The following SMPD1 variants were observed in gnomAD, a reference collection of about 807,000 sequenced individuals.
SMPD1 encodes the protein sphingomyelin phosphodiesterase 1, also known as sphingomyelin phosphodiesterase.
SMPD1 carries 47 observed loss-of-function variants against 49.7 expected under a neutral mutation model. The observed-to-expected ratio is 0.95, with a 90% CI of 0.75 to 1.21. The LOEUF (loss-of-function observed/expected upper bound fraction) is 1.21. Among genes scored for constraint, SMPD1 ranks in the 50% most tolerant of loss-of-function variants. The pLI is 0.00. For missense variants in SMPD1, 811 were observed against 822.2 expected (o/e 0.99, Z 0.17); for synonymous variants, 336 against 339.6 (o/e 0.99, Z 0.12).
intron 2 of SMPD1, 57 bp downstream of exon 2, chr11:6,392,213 G>A (rs958651385): frequency 1.2e-6 from 2 of 1,600,138 alleles, no homozygotes; most frequent in Non-Finnish European, 1.7e-6. Context: ...GAAAGTGAAG[G>A]GAGAAGGGAA....
At chr11:6,394,125 G>A in intron 5 of SMPD1, 73 bp from the exon 6 acceptor site, 1 of 1,612,632 alleles carries the variant, frequency 6.2e-7, no homozygotes. Context: ...TGCAAAGCAT[G>A]GGCAGGATGT....
chr11:6,391,397 T>G lies in SMPD1; in HGVS notation c.332T>G (p.Val111Gly), dbSNP rs1006549503. 1 of 1,612,650 alleles carries G rather than the reference T, an allele frequency of 6.2e-7. No individual in the cohort carries two copies. The highest frequency in any genetic ancestry group is 8.5e-7 in the Non-Finnish European group (1 of 1,179,964). ...CTCCCACTGCAGAAGGAACCCAATG[T>G]GGCTCGCGTGGGCTCCGTGGCCATC... ...INLGLKKEPN[V>G]ARVGSVAIKL... Residue 111 changes from valine to glycine, a missense_variant, in exon 2 of 6, where the codon GTG becomes GGG. Coordinates refer to ENST00000342245, the MANE Select transcript of SMPD1 (RefSeq NM_000543.5).
intron 2 of SMPD1, among the ~76,000 whole-genome samples, chr11:6,392,736 G>C (rs577266956): frequency 2.0e-4 from 30 of 149,332 alleles, no homozygotes; most frequent in African/African-American, 6.6e-4. Context: ...CTCATGATCT[G>C]CCCACCTCGG....
Position 6,393,141 on chromosome 11 carries a change from C to T in SMPD1, c.1092-75C>T. 19 of 1,289,922 alleles carry T rather than the reference C, an allele frequency of 1.5e-5. No individual in the cohort carries two copies. In the South Asian group the frequency reaches 2.3e-4, roughly 16 times the overall value. The allele number at this position is 1,289,922 out of a possible 1,614,324, so 79.9% of individuals were successfully genotyped here. A position where few individuals can be genotyped will look rare whatever the true frequency, so the allele number is the denominator to read the frequency against. On this transcript the variant is annotated intron_variant, in intron 2 of 5. Coordinates refer to ENST00000342245, the MANE Select transcript of SMPD1 (RefSeq NM_000543.5). ...GGGAAGATGTCATGTATGCTTTTACCCTCCACCCAAATGCCCAGCACAGGA... is the reference window on the plus strand; with the variant it reads ...GGGAAGATGTCATGTATGCTTTTACTCTCCACCCAAATGCCCAGCACAGGA...
In SMPD1 at chr11:6,390,886, T is replaced by C. The variant is rs1339909517; in HGVS notation, c.288T>C (p.Gly96=). The C allele has an allele frequency of 5.6e-6, 9 of 1,613,210 alleles. No homozygotes were observed. The highest frequency in any genetic ancestry group is 7.6e-6 in the Non-Finnish European group (9 of 1,179,866). The change falls in exon 1 of 6, where the codon GGT becomes GGC. Residue 96 remains glycine (G), a synonymous_variant. Transcript: ENST00000342245. ...ACCTCACCTGCCCAATCTGCAAAGG[T>C]CTATTCACCGCCATCAACCTCGGGC... is the stretch of plus-strand genomic sequence containing the variant. The part of the protein sequence containing the change: ...WGNLTCPICK[G]LFTAINLGLK...
At position 6,394,308 on chromosome 11, in the gene SMPD1, C is replaced by T; in HGVS notation, c.1597C>T (p.Pro533Ser). ...CCAGGCAAACATACCGGGAGCCATA[C>T]CGCACTGGCAGCTTCTCTACAGGGC... ...LTQANIPGAI[P>S]HWQLLYRARE... The change falls in exon 6 of 6, where the codon CCG (proline) becomes TCG (serine). Residue 533 changes from proline to serine, a missense_variant. Pro to Ser is a moderately conservative substitution (Grantham distance 74, BLOSUM62 -1). Coordinates refer to ENST00000342245, the MANE Select transcript of SMPD1 (RefSeq NM_000543.5). The T allele has an allele frequency of 2.5e-6, 4 of 1,614,226 alleles. No homozygotes were observed. Among genetic ancestry groups the T allele is most frequent in the Non-Finnish European group, 3.4e-6 (4 of 1,180,018 alleles).
At position 6,391,563 on chromosome 11, in the gene SMPD1, CT is replaced by C. The variant is rs1847910379; in HGVS notation, c.499del (p.Cys167ValfsTer90). On this transcript the variant is annotated frameshift_variant, in exon 2 of 6. Transcript: ENST00000342245. LOFTEE classifies it high-confidence loss of function. ...EACGLLLGST[C>X]GHWDIFSSWN... Reference sequence around the variant, plus strand: ...CCTGTGGCCTGCTCCTGGGCTCCACCTGTGGGCACTGGGACATTTTCTCATC... The same window carrying C: ...CCTGTGGCCTGCTCCTGGGCTCCACCGTGGGCACTGGGACATTTTCTCATC... 1 of 1,613,558 alleles carries C rather than the reference CT, an allele frequency of 6.2e-7. No homozygotes were observed.
At position 6,391,725 on chromosome 11, in the gene SMPD1, C is replaced by A. The variant is rs752782100; in HGVS notation, c.660C>A (p.Asp220Glu). Residue 220 changes from aspartate to glutamate, a missense_variant, in exon 2 of 6, where the codon GAC becomes GAA. Coordinates refer to ENST00000342245, the MANE Select transcript of SMPD1 (RefSeq NM_000543.5). ...ATCATGACTACCTGGAGGGCACGGA[C>A]CCTGACTGTGCAGACCCACTGTGCT... is the stretch of plus-strand genomic sequence containing the variant. Reference protein sequence around the residue: ...HWDHDYLEGTDPDCADPLCCR... With the variant: ...HWDHDYLEGTEPDCADPLCCR... 1 of 1,611,756 alleles carries A rather than the reference C, an allele frequency of 6.2e-7. No individual in the cohort carries two copies. Among genetic ancestry groups the A allele is most frequent in the Non-Finnish European group, 8.5e-7 (1 of 1,179,934 alleles).
chr11:6,390,910 G>T lies in SMPD1; in HGVS notation c.312G>T (p.Gly104=), dbSNP rs757958025. The T allele has an allele frequency of 6.2e-7, 1 of 1,614,134 alleles. No homozygotes were observed. Among genetic ancestry groups the T allele is most frequent in the Admixed American group, 1.7e-5 (1 of 60,026 alleles). Residue 104 remains glycine, a synonymous_variant, in exon 1 of 6, where the codon GGG becomes GGT. Transcript: ENST00000342245. ...CKGLFTAINL[G]LKKEPNVARV... ...GTCTATTCACCGCCATCAACCTCGG[G>T]CTGAAGGTGAGCACTGAAGGGGCTG...
rs778484457 is a variant in SMPD1, at chr11:6,393,331, G to A, written c.1207G>A (p.Gly403Arg). The A allele has an allele frequency of 1.2e-6, 2 of 1,614,006 alleles. No individual in the cohort carries two copies. Among genetic ancestry groups the A allele is most frequent in the Non-Finnish European group, 8.5e-7 (1 of 1,179,888 alleles). ...WLLINSTDPA[G>R]QLQWLVGELQ... Reference sequence around the variant, plus strand: ...CTTGATCAACTCCACGGATCCCGCAGGACAGCTCCAGTGGCTGGTGGGGGA... The same window carrying A: ...CTTGATCAACTCCACGGATCCCGCAAGACAGCTCCAGTGGCTGGTGGGGGA... Residue 403 changes from glycine (G) to arginine (R), a missense_variant, in exon 3 of 6, where the codon GGA (glycine) becomes AGA (arginine). Physicochemically the swap from Gly to Arg is moderately radical, Grantham distance 125. Transcript: ENST00000342245.
Position 6,390,720 on chromosome 11 carries a change from TGGCGC to T in SMPD1, c.123_127del (p.Ala42GlyfsTer8). The stretch of plus-strand genomic sequence containing the variant: ...ATGGGCCTGGTGCTGGCGCTGGCGC[TGGCGC>T]TGGCGCTGGCGCTGGCTCTGTCTGA... On this transcript the variant is annotated frameshift_variant, in exon 1 of 6. Transcript: ENST00000342245. LOFTEE classifies it high-confidence loss of function. 6.4e-7 allele frequency: 1 copy of T among 1,566,230 alleles called. No homozygotes were observed. Among genetic ancestry groups the T allele is most frequent in the South Asian group, 1.2e-5 (1 of 84,344 alleles).
Position 6,391,768 on chromosome 11 carries a change from C to G in SMPD1, c.703C>G (p.Leu235Val), listed in dbSNP as rs1168183928. 3 of 1,612,072 alleles carry G rather than the reference C, an allele frequency of 1.9e-6. No individual in the cohort carries two copies. Among genetic ancestry groups the G allele is most frequent in the African/African-American group, 1.3e-5 (1 of 74,952 alleles). ...ACTGTGCTGCCGCCGGGGTTCTGGC[C>G]TGCCGCCCGCATCCCGGCCAGGTGC... is the stretch of plus-strand genomic sequence containing the variant. ...DPLCCRRGSGLPPASRPGAGY... is the reference protein window; with the variant it reads ...DPLCCRRGSGVPPASRPGAGY... The change falls in exon 2 of 6, where the codon CTG (leucine) becomes GTG (valine). Residue 235 changes from leucine (L) to valine (V), a missense_variant. Transcript: ENST00000342245.
rs1848118835 is a variant in SMPD1, at chr11:6,394,827, G to A, written c.*220G>A. 1.7e-6 allele frequency: 1 copy of A among 598,596 alleles called. No individual in the cohort carries two copies. Among genetic ancestry groups the A allele is most frequent in the African/African-American group, 1.9e-5 (1 of 53,826 alleles). The allele number at this position is 598,596 out of a possible 1,614,324, so 37.1% of individuals were successfully genotyped here. On this transcript the variant is annotated 3_prime_UTR_variant, in exon 6 of 6. Coordinates refer to ENST00000342245, the MANE Select transcript of SMPD1 (RefSeq NM_000543.5). ...TGCCCAGGAGCTAGACTGCCTTGAG[G>A]CTGCTGTCCTTTCACAGCCATGGAG... is the stretch of plus-strand genomic sequence containing the variant.
Position 6,390,819 on chromosome 11 carries a change from A to G in SMPD1, c.221A>G (p.His74Arg). 1 of 1,614,062 alleles carries G rather than the reference A, an allele frequency of 6.2e-7. No individual in the cohort carries two copies. The highest frequency in any genetic ancestry group is 1.1e-5 in the South Asian group (1 of 91,080). ...LSPQGHPARL[H>R]RIVPRLRDVF... Reference sequence around the variant, plus strand: ...CCCCAAGGCCATCCTGCCAGGTTACATCGCATAGTGCCCCGGCTCCGAGAT... The same window carrying G: ...CCCCAAGGCCATCCTGCCAGGTTACGTCGCATAGTGCCCCGGCTCCGAGAT... The change falls in exon 1 of 6, where the codon CAT becomes CGT. Residue 74 changes from histidine to arginine, a missense_variant. Coordinates refer to ENST00000342245, the MANE Select transcript of SMPD1 (RefSeq NM_000543.5).
Position 6,394,574 on chromosome 11 carries a change from C to T in SMPD1, c.1863C>T (p.Ala621=). ...HLMPDGSLPE[A]QSLWPRPLFC ...TGCCAGATGGGAGCCTCCCAGAGGCCCAGAGCCTGTGGCCAAGGCCACTGT... is the reference window on the plus strand; with the variant it reads ...TGCCAGATGGGAGCCTCCCAGAGGCTCAGAGCCTGTGGCCAAGGCCACTGT... The change falls in exon 6 of 6, where the codon GCC becomes GCT. Residue 621 remains alanine (A), a synonymous_variant. Coordinates refer to ENST00000342245, the MANE Select transcript of SMPD1 (RefSeq NM_000543.5). 1.2e-6 allele frequency: 2 copies of T among 1,605,230 alleles called. No homozygotes were observed. The highest frequency in any genetic ancestry group is 1.7e-6 in the Non-Finnish European group (2 of 1,179,968).
chr11:6,393,915 G>A lies in SMPD1; in HGVS notation c.1360G>A (p.Ala454Thr), dbSNP rs144624998. Reference protein sequence around the residue: ...IVARYENTLAAQFFGHTHVDE... With the variant: ...IVARYENTLATQFFGHTHVDE... ...GGCCAGGTATGAGAACACCCTGGCTGCTCAGTTCTTTGGCCACACTCATGT... is the reference window on the plus strand; with the variant it reads ...GGCCAGGTATGAGAACACCCTGGCTACTCAGTTCTTTGGCCACACTCATGT... Residue 454 changes from alanine (A) to threonine (T), a missense_variant, in exon 5 of 6, where the codon GCT (alanine) becomes ACT (threonine). Coordinates refer to ENST00000342245, the MANE Select transcript of SMPD1 (RefSeq NM_000543.5). 2 of 1,614,156 alleles carry A rather than the reference G, an allele frequency of 1.2e-6. No homozygotes were observed. Among genetic ancestry groups the A allele is most frequent in the Admixed American group, 1.7e-5 (1 of 60,018 alleles).
rs370369788 is a variant in SMPD1 at position 6,391,041 on chromosome 11, T to TCACTGAGTTTGCTCCCC, written c.318+126_318+142dup. Reference sequence around the variant, plus strand: ...TGGAGAGGGTGGCATCTACAATCCATCACTGAGTTTGCTCCCCTTTGGGGA... The same window carrying TCACTGAGTTTGCTCCCC: ...TGGAGAGGGTGGCATCTACAATCCATCACTGAGTTTGCTCCCCCACTGAGTTTGCTCCCCTTTGGGGA... On this transcript the variant is annotated intron_variant, in intron 1 of 5. Coordinates refer to ENST00000342245, the MANE Select transcript of SMPD1 (RefSeq NM_000543.5). 717 of 1,268,672 alleles carry TCACTGAGTTTGCTCCCC rather than the reference T, an allele frequency of 5.7e-4. 1 individual carries two copies. In the African/African-American group the frequency reaches 8.7e-3, roughly 15 times the overall value. The allele number at this position is 1,268,672 out of a possible 1,614,324, so 78.6% of individuals were successfully genotyped here.
intron 2 of SMPD1, 24 bp downstream of exon 2, chr11:6,392,180 A>G (rs1003775121): frequency 3.7e-6 from 6 of 1,614,054 alleles, no homozygotes; most frequent in Non-Finnish European, 5.1e-6. Context: ...GTGGAAACCC[A>G]GGAAGGGAAA....
rs775720719 is a variant in SMPD1 at position 6,393,897 on chromosome 11, T to A, written c.1342T>A (p.Tyr448Asn). Residue 448 changes from tyrosine to asparagine, a missense_variant and splice_region_variant, in exon 5 of 6, where the codon TAT becomes AAT. Transcript: ENST00000342245. ...CTGAATGTAGTACCTTCTGGCCAGG[T>A]ATGAGAACACCCTGGCTGCTCAGTT... ...SWNYYRIVAR[Y>N]ENTLAAQFFG... 1 of 1,614,056 alleles carries A rather than the reference T, an allele frequency of 6.2e-7. No individual in the cohort carries two copies. The highest frequency in any genetic ancestry group is 8.5e-7 in the Non-Finnish European group (1 of 1,179,962).
Sources: gnomAD v4.1 joint callset for allele counts (sites outside exome capture counted in the v4.1 genomes callset) on GRCh38, gnomAD v4.1.1 for gene constraint, MANE v1.5 for transcripts, NCBI Gene and HGNC (gene_info 2026-07-23, HGNC 2026-07-21) for gene names.